Variants in DSE observed in about 807,000 individuals in gnomAD.
DSE encodes dermatan-sulfate epimerase.
DSE carries 36 observed loss-of-function variants against 84.4 expected under a neutral mutation model. That is an observed-to-expected ratio of 0.43 (90% confidence interval 0.33 to 0.56). The LOEUF (loss-of-function observed/expected upper bound fraction) is 0.56, where lower values mean the gene tolerates loss of function less well. DSE is among the 20% of genes least tolerant of loss of function. The pLI is 0.06. For missense variants in DSE, 862 were observed against 1,169.6 expected (o/e 0.74, Z 3.84); for synonymous variants, 410 against 430.1 (o/e 0.95, Z 0.58).
At chr6:116,318,298 A>AT (rs879404200) in intron 2 of DSE, among the ~76,000 whole-genome samples, 31 of 152,298 alleles carry the variant, frequency 2.0e-4, no homozygotes, top group Admixed American at 5.9e-4. Context: ...CAAGGTCAAG[A>AT]GATCGAGACC....
intron 1 of DSE, chr6:116,255,825 A>G (rs1772119339): frequency 6.6e-6 from 1 of 152,264 alleles, no homozygotes; most frequent in Admixed American, 6.5e-5. Flanking sequence ...GGAAAAAACA[A>G]GTTTGCTACT....
At chr6:116,295,499 A>G (rs1300347826) in intron 2 of DSE, among the ~76,000 whole-genome samples, 2 of 152,220 alleles carry the variant, frequency 1.3e-5, no homozygotes, top group Non-Finnish European at 2.9e-5. Flanking sequence ...GTGATCCAAC[A>G]ACTATACTAG....
At chr6:116,362,838 T>C (rs1016349243) in intron 2 of DSE, among the ~76,000 whole-genome samples, 3 of 152,202 alleles carry the variant, frequency 2.0e-5, no homozygotes, top group Admixed American at 6.5e-5. Flanking sequence ...GTTTCCTGGG[T>C]GGTCCTAAAG....
At chr6:116,431,713 C>T (rs1053774587) in intron 4 of DSE, among the ~76,000 whole-genome samples, 2 of 151,794 alleles carry the variant, frequency 1.3e-5, no homozygotes, top group African/African-American at 4.8e-5. Flanking sequence ...GAAAAGTAAA[C>T]AAAAAAAGTG....
At chr6:116,430,095 A>G (rs921755712) in intron 3 of DSE, among the ~76,000 whole-genome samples, 3 of 152,236 alleles carry the variant, frequency 2.0e-5, no homozygotes, top group Non-Finnish European at 4.4e-5. Flanking sequence ...AATGTGACAG[A>G]TGGAAGAATT....
rs1283294343 is a variant in DSE at position 116,440,967 on chromosome 6, T to C, written c.*3622T>C. The C allele has an allele frequency of 6.6e-6, 1 of 152,234 alleles. No homozygotes were observed. The highest frequency in any genetic ancestry group is 2.4e-5 in the African/African-American group (1 of 41,466). The allele number at this position is 152,234 out of a possible 1,614,324, so 9.4% of individuals were successfully genotyped here. A position where few individuals can be genotyped will look rare whatever the true frequency, so the allele number is the denominator to read the frequency against. ...TATTCCCTGTCTGTGGCAAAGCCCA[T>C]TGCCTTGATTCTCTTCTCTTTACTT... On this transcript the variant is annotated 3_prime_UTR_variant, in exon 6 of 6. Coordinates refer to ENST00000644252, the MANE Select transcript of DSE (RefSeq NM_013352.4).
chr6:116,431,313 T>C, intron 4 of DSE, 120 bp downstream of exon 4: 1 of 1,338,644 alleles, frequency 7.5e-7, no homozygotes, highest in South Asian at 1.6e-5. Flanking sequence ...TGAAATTAAA[T>C]AGATTTTTTT....
chr6:116,387,941 G>A (rs1023680944), intron 1 of DSE, among the ~76,000 whole-genome samples: 3 of 152,264 alleles, frequency 2.0e-5, no homozygotes, highest in African/African-American at 2.4e-5. Context: ...ATTCTGGAGA[G>A]TGAGTACTAG....
chr6:116,403,230 G>C (rs915037177), intron 2 of DSE, among the ~76,000 whole-genome samples: 10 of 151,994 alleles, frequency 6.6e-5, no homozygotes, highest in African/African-American at 2.4e-4. Flanking sequence ...TCTCCCTTTT[G>C]CTAAGGAACA....
intron 2 of DSE, among the ~76,000 whole-genome samples, chr6:116,304,664 T>C (rs1437618677): frequency 6.6e-6 from 1 of 152,154 alleles, no homozygotes; most frequent in Non-Finnish European, 1.5e-5. Context: ...ACTGTGTGCT[T>C]CTGGTGCCCT....
Position 116,279,873 on chromosome 6 carries a change from C to A in DSE, c.-54+20906C>A, listed in dbSNP as rs1297267209. On this transcript the variant is annotated intron_variant, in intron 2 of 3. Coordinates refer to the DSE transcript ENST00000430252. ...CAACCGCAGGCGAACGCCCGTTTTC[C>A]TCAGAGGCCGAACTGGGAGCTAACC... The A allele has an allele frequency of 7.4e-6, 12 of 1,612,858 alleles. No individual in the cohort carries two copies. The East Asian group carries it at 2.7e-4, about 36-fold the overall frequency.
At chr6:116,293,145 G>T (rs1774400124) in intron 2 of DSE, among the ~76,000 whole-genome samples, 1 of 152,124 alleles carries the variant, frequency 6.6e-6, no homozygotes, top group African/African-American at 2.4e-5. Context: ...AGAATTCAAA[G>T]AAGAAAATAA....
rs1784270442 is a variant in DSE, at chr6:116,437,661, G to GA, written c.*321dup. ...TTTAAAGTAATGTTTTTTCTTATGA[G>GA]AAAAAGGTTTAGATAGAATTGGGTT... On this transcript the variant is annotated 3_prime_UTR_variant, in exon 6 of 6. Transcript: ENST00000644252. The GA allele has an allele frequency of 5.2e-6, 1 of 192,134 alleles. No homozygotes were observed. The highest frequency in any genetic ancestry group is 2.3e-5 in the African/African-American group (1 of 42,774). The allele number at this position is 192,134 out of a possible 1,614,324, so 11.9% of individuals were successfully genotyped here. A position where few individuals can be genotyped will look rare whatever the true frequency, so the allele number is the denominator to read the frequency against.
chr6:116,349,493 G>C (rs569135782), intron 2 of DSE, among the ~76,000 whole-genome samples: 2 of 152,216 alleles, frequency 1.3e-5, no homozygotes, highest in Admixed American at 6.5e-5. Context: ...GACTAGCTCG[G>C]GCCTTCTCCA....
chr6:116,411,243 T>C (rs1328385012), intron 2 of DSE, among the ~76,000 whole-genome samples: 3 of 152,212 alleles, frequency 2.0e-5, no homozygotes, highest in Non-Finnish European at 4.4e-5. Context: ...ACAATATATA[T>C]CCTTTCTGTT....
intron 1 of DSE, among the ~76,000 whole-genome samples, chr6:116,386,409 T>A (rs1308774661): frequency 6.6e-6 from 1 of 152,228 alleles, no homozygotes; most frequent in Non-Finnish European, 1.5e-5. Context: ...TTATGCTTTA[T>A]TTAACACAGC....
chr6:116,436,709 G>A lies in DSE; in HGVS notation c.2241G>A (p.Gln747=). The part of the protein sequence containing the change: ...DYAAIVEQNL[Q]HFKPVFQLLE... ...CTGCTATTGTGGAACAGAACTTGCA[G>A]CATTTTAAACCAGTGTTTCAGCTGC... Residue 747 remains glutamine, a synonymous_variant, in exon 6 of 6, where the codon CAG becomes CAA. Transcript: ENST00000644252. 1.2e-6 allele frequency: 2 copies of A among 1,614,188 alleles called. No individual in the cohort carries two copies. The highest frequency in any genetic ancestry group is 1.7e-6 in the Non-Finnish European group (2 of 1,180,028).
chr6:116,256,926 T>G (rs1026663120), intron 1 of DSE, among the ~76,000 whole-genome samples: 1 of 152,230 alleles, frequency 6.6e-6, no homozygotes, highest in Non-Finnish European at 1.5e-5. Context: ...TGACTTATGA[T>G]TCTATGGGAA....
chr6:116,391,019 C>T (rs1780868559), intron 1 of DSE, among the ~76,000 whole-genome samples: 1 of 152,110 alleles, frequency 6.6e-6, no homozygotes, highest in Non-Finnish European at 1.5e-5. Flanking sequence ...CTCAGGTGGT[C>T]TCTGGTGGAT....
Sources: allele counts gnomAD v4.1 joint callset (sites outside exome capture counted in the v4.1 genomes callset), GRCh38; gene constraint gnomAD v4.1.1; transcripts MANE v1.5; gene names NCBI Gene and HGNC (gene_info 2026-07-23, HGNC 2026-07-21).